The following RALGAPA1 variants were observed in gnomAD, a reference collection of about 807,000 sequenced individuals.
The protein encoded by RALGAPA1 is ral GTPase-activating protein subunit alpha-1.
Under a neutral mutation model 269.6 loss-of-function variants are expected in RALGAPA1, and 52 were observed. The ratio of observed to expected loss-of-function variants is 0.19; its 90% CI spans 0.15 to 0.24. The LOEUF (loss-of-function observed/expected upper bound fraction) is 0.24, where lower values mean the gene tolerates loss of function less well. Ranked by LOEUF, RALGAPA1 falls within the 10% of genes least tolerant of loss-of-function variation. The pLI is 1.00. For synonymous variants in RALGAPA1, 817 were observed against 1,008.3 expected, an observed-to-expected ratio of 0.81 and a Z score of 3.60; for missense variants, 1,917 against 3,013.9, an observed-to-expected ratio of 0.64 and a Z score of 8.52.
intron 37 of RALGAPA1, among the ~76,000 whole-genome samples, chr14:35,591,202 C>A (rs1335043106): frequency 2.6e-5 from 4 of 152,002 alleles, no homozygotes; most frequent in Non-Finnish European, 5.9e-5. Context: ...TCTAAGGTAG[C>A]AAGATTTATT....
chr14:35,685,537 T>TA (rs1475948996), intron 19 of RALGAPA1, among the ~76,000 whole-genome samples: 2 of 151,722 alleles, frequency 1.3e-5, no homozygotes, highest in Admixed American at 6.6e-5. Flanking sequence ...AAAGTAAGCC[T>TA]AAAAAGAAAG....
At chr14:35,694,864 G>A (rs2140514406) in intron 17 of RALGAPA1, among the ~76,000 whole-genome samples, 1 of 152,140 alleles carries the variant, frequency 6.6e-6, no homozygotes, top group Middle Eastern at 3.4e-3. Context: ...ACCACCTGAG[G>A]TCAAGAGTTC....
chr14:35,730,840 T>C (rs1214080152), intron 12 of RALGAPA1, among the ~76,000 whole-genome samples: 1 of 152,140 alleles, frequency 6.6e-6, no homozygotes, highest in Admixed American at 6.5e-5. Flanking sequence ...TCTTGGAAGA[T>C]CTAGGGCCCC....
chr14:35,561,821 C>T (rs907306841), intron 39 of RALGAPA1, among the ~76,000 whole-genome samples: 3 of 151,880 alleles, frequency 2.0e-5, no homozygotes, highest in Non-Finnish European at 4.4e-5. Flanking sequence ...ACAGCCACCG[C>T]GGCTGGCTGA....
rs759159796 is a variant in RALGAPA1, at chr14:35,704,665, A to AT, written c.2267-4364_2267-4363insA. ...GTGTCTTCATGAATTGTAAGGACAT[A>AT]AGGTCCTTACATCAGTTTAGATCAC... On this transcript the variant is annotated intron_variant, in intron 16 of 41. Transcript: ENST00000680220. Among the ~76,000 whole-genome samples the AT allele has an allele frequency of 7.9e-5, 12 of 152,308 alleles. No individual in the cohort carries two copies. The South Asian group carries it at 1.7e-3, about 21-fold the overall frequency.
Position 35,723,574 on chromosome 14 carries a change from T to A in RALGAPA1, c.1867-310A>T, listed in dbSNP as rs191913219. ...GCTATTTAAAAAATAGTCTCCATAC[T>A]TTTAAGTGTTGAAAATGTTGAGTTA... On this transcript the variant is annotated intron_variant, in intron 14 of 41. Coordinates refer to ENST00000680220, the MANE Select transcript of RALGAPA1 (RefSeq NM_001346249.2). 348 of 169,856 alleles carry A rather than the reference T, an allele frequency of 2.0e-3. 1 individual carries two copies. Among genetic ancestry groups the A allele is most frequent in the African/African-American group, 7.8e-3 (332 of 42,364 alleles). The allele number at this position is 169,856 out of a possible 1,614,324, so 10.5% of individuals were successfully genotyped here. A position where few individuals can be genotyped will look rare whatever the true frequency, so the allele number is the denominator to read the frequency against.
At chr14:35,659,669 GA>G (rs934135005) in intron 27 of RALGAPA1, among the ~76,000 whole-genome samples, 6 of 147,364 alleles carry the variant, frequency 4.1e-5, no homozygotes, top group South Asian at 2.1e-4. Context: ...GGCATTACCA[GA>G]AAAAAAAAAT....
chr14:35,656,673 C>T (rs897638489), intron 28 of RALGAPA1, among the ~76,000 whole-genome samples: 1 of 152,148 alleles, frequency 6.6e-6, no homozygotes, highest in Non-Finnish European at 1.5e-5. Context: ...TAGTGGAATG[C>T]TAAACTTCAG....
intron 1 of RALGAPA1, among the ~76,000 whole-genome samples, chr14:35,776,199 A>G (rs2075009634): frequency 6.6e-6 from 1 of 152,046 alleles, no homozygotes; most frequent in African/African-American, 2.4e-5. Context: ...TGGCCAACAC[A>G]GTGAAACCTC....
intron 1 of RALGAPA1, among the ~76,000 whole-genome samples, chr14:35,797,234 G>T (rs1422292081): frequency 3.3e-5 from 5 of 151,412 alleles, no homozygotes; most frequent in Non-Finnish European, 7.4e-5. Context: ...CGTGCCTGTA[G>T]TCCCAGCTAC....
chr14:35,622,019 T>C (rs889669581), intron 35 of RALGAPA1, among the ~76,000 whole-genome samples: 3 of 152,194 alleles, frequency 2.0e-5, no homozygotes, highest in Non-Finnish European at 4.4e-5. Flanking sequence ...ACTGGGTATA[T>C]ACCCAAAGGA....
chr14:35,783,163 A>G (rs901662291), intron 1 of RALGAPA1, among the ~76,000 whole-genome samples: 2 of 152,102 alleles, frequency 1.3e-5, no homozygotes, highest in African/African-American at 2.4e-5. Context: ...CTTACTACAA[A>G]GCTACACTAA....
intron 5 of RALGAPA1, among the ~76,000 whole-genome samples, chr14:35,761,300 G>C (rs964267875): frequency 2.0e-5 from 3 of 151,932 alleles, no homozygotes; most frequent in African/African-American, 7.3e-5. Context: ...TTTCCTTCTT[G>C]TCTACTTCCC....
At chr14:35,606,350 C>G (rs549442321) in intron 35 of RALGAPA1, among the ~76,000 whole-genome samples, 2 of 152,266 alleles carry the variant, frequency 1.3e-5, no homozygotes, top group Admixed American at 6.5e-5. Flanking sequence ...ATCTGTACAA[C>G]ATGTTACTGT....
chr14:35,703,906 T>C (rs1010160615), intron 16 of RALGAPA1, among the ~76,000 whole-genome samples: 3 of 151,350 alleles, frequency 2.0e-5, no homozygotes, highest in Non-Finnish European at 4.4e-5. Flanking sequence ...ATACAGACTA[T>C]ATAAAAAACT....
At chr14:35,773,184 A>T (rs1427207695) in intron 3 of RALGAPA1, among the ~76,000 whole-genome samples, 1 of 152,190 alleles carries the variant, frequency 6.6e-6, no homozygotes, top group Non-Finnish European at 1.5e-5. Flanking sequence ...TAAATAAAAG[A>T]TTAAAGAGAT....
At chr14:35,615,979 C>T (rs189426824) in intron 35 of RALGAPA1, among the ~76,000 whole-genome samples, 78 of 151,912 alleles carry the variant, frequency 5.1e-4, no homozygotes, top group African/African-American at 1.7e-3. Context: ...AGATGAGATC[C>T]CACAGAGTAC....
At chr14:35,610,789 C>T (rs977661057) in intron 35 of RALGAPA1, among the ~76,000 whole-genome samples, 3 of 152,058 alleles carry the variant, frequency 2.0e-5, no homozygotes, top group Admixed American at 6.6e-5. Context: ...AGCAAGGCTG[C>T]AAGATATAAG....
intron 16 of RALGAPA1, among the ~76,000 whole-genome samples, chr14:35,701,121 C>T (rs2067311756): frequency 6.6e-6 from 1 of 151,772 alleles, no homozygotes; most frequent in South Asian, 2.1e-4. Flanking sequence ...TAGGAGAGTC[C>T]CTAGTTCACA....
Sources: gnomAD v4.1 joint callset for allele counts (sites outside exome capture counted in the v4.1 genomes callset) on GRCh38, gnomAD v4.1.1 for gene constraint, MANE v1.5 for transcripts, NCBI Gene and HGNC (gene_info 2026-07-23, HGNC 2026-07-21) for gene names.